The following SHTN1 variants were observed in gnomAD, a reference collection of about 807,000 sequenced individuals.
The protein encoded by SHTN1 is shootin 1.
Under a neutral mutation model 83.1 loss-of-function variants are expected in SHTN1, and 42 were observed. The observed-to-expected ratio is 0.51, with a 90% confidence interval of 0.39 to 0.65. The LOEUF (loss-of-function observed/expected upper bound fraction) is 0.65. SHTN1 is among the 30% of genes least tolerant of loss of function. The probability of loss-of-function intolerance (pLI) is 0.00; values close to 1 mark genes in which losing one functional copy is unlikely to be tolerated. For missense variants in SHTN1, 622 were observed against 737.8 expected (o/e 0.84, Z 1.82); for synonymous variants, 224 against 247.7 (o/e 0.90, Z 0.90).
chr10:116,929,998 T>C lies in SHTN1; in HGVS notation c.863A>G (p.Lys288Arg). ...ATTTTCTAGTTGCTCTTCTAATTCT[T>C]TGACCTATAAGTTATTTAAAAAAAA... ...EERIQHQQKV[K>R]ELEEQLENET... The change falls in exon 10 of 17, where the codon AAA becomes AGA. Residue 288 changes from lysine (K) to arginine (R), a missense_variant. Around this residue, in one of 3 missense-constraint regions of SHTN1, gnomAD observed 383 missense variants for 455.8 expected, o/e 0.84. Coordinates refer to ENST00000355371, the MANE Select transcript of SHTN1 (RefSeq NM_001127211.3). The C allele has an allele frequency of 1.3e-6, 2 of 1,571,642 alleles. No homozygotes were observed. The highest frequency in any genetic ancestry group is 1.7e-6 in the Non-Finnish European group (2 of 1,161,494).
intron 1 of SHTN1, among the ~76,000 whole-genome samples, chr10:117,001,626 G>A (rs1313171869): frequency 6.6e-6 from 1 of 152,112 alleles, no homozygotes; most frequent in Non-Finnish European, 1.5e-5. Flanking sequence ...TGTTTAATGG[G>A]TTCAAACATA....
At chr10:117,081,204 G>T (rs2133611692) in intron 1 of SHTN1, among the ~76,000 whole-genome samples, 1 of 151,482 alleles carries the variant, frequency 6.6e-6, no homozygotes, top group South Asian at 2.1e-4. Context: ...TTTGAAATAT[G>T]TCCCATCAAT....
intron 16 of SHTN1, among the ~76,000 whole-genome samples, chr10:116,896,469 G>A (rs1397223028): frequency 3.3e-5 from 5 of 152,104 alleles, no homozygotes; most frequent in South Asian, 2.1e-4. Flanking sequence ...TGTACTGCAC[G>A]ACACTCTTTG....
chr10:117,047,076 ATT>A (rs1852673957), intron 2 of SHTN1, among the ~76,000 whole-genome samples: 1 of 152,036 alleles, frequency 6.6e-6, no homozygotes, highest in Non-Finnish European at 1.5e-5. Flanking sequence ...AAATATATAT[ATT>A]TTTTGAGACA....
chr10:117,051,211 T>G (rs76488629), intron 1 of SHTN1, among the ~76,000 whole-genome samples: 1 of 151,868 alleles, frequency 6.6e-6, no homozygotes, highest in Non-Finnish European at 1.5e-5. Flanking sequence ...CAAGAAGAAA[T>G]AGAAAATCTC....
intron 1 of SHTN1, among the ~76,000 whole-genome samples, chr10:117,073,228 T>G (rs1036908060): frequency 6.6e-6 from 1 of 152,116 alleles, no homozygotes. Context: ...CGACCAAACC[T>G]AAGAATAATT....
intron 1 of SHTN1, among the ~76,000 whole-genome samples, chr10:117,084,438 C>G (rs1334777783): frequency 1.3e-5 from 2 of 152,208 alleles, no homozygotes; most frequent in Admixed American, 6.5e-5. Context: ...CTGCTCTCTT[C>G]AAAGCTGTCA....
At chr10:116,985,948 T>C (rs1450863161) in intron 1 of SHTN1, among the ~76,000 whole-genome samples, 1 of 152,204 alleles carries the variant, frequency 6.6e-6, no homozygotes. Context: ...AAAACACTGA[T>C]AGAAAATCTG....
intron 2 of SHTN1, among the ~76,000 whole-genome samples, chr10:117,018,935 G>T (rs1008787671): frequency 3.2e-4 from 48 of 151,912 alleles, no homozygotes; most frequent in African/African-American, 1.1e-3. Context: ...GGAAGAAAAA[G>T]AAATAAAATG....
chr10:116,936,431 G>A (rs1485561719), intron 9 of SHTN1, among the ~76,000 whole-genome samples: 1 of 152,180 alleles, frequency 6.6e-6, no homozygotes, highest in Non-Finnish European at 1.5e-5. Flanking sequence ...TATTTACTCA[G>A]TAGTCATTAA....
intron 1 of SHTN1, among the ~76,000 whole-genome samples, chr10:116,997,573 T>C (rs1251014811): frequency 6.6e-6 from 1 of 152,194 alleles, no homozygotes; most frequent in African/African-American, 2.4e-5. Context: ...TGCTGATATT[T>C]TCCTCATGAG....
At chr10:116,986,290 C>T (rs1252760445) in intron 1 of SHTN1, among the ~76,000 whole-genome samples, 2 of 152,142 alleles carry the variant, frequency 1.3e-5, no homozygotes, top group South Asian at 2.1e-4. Context: ...ACAGGGCAAA[C>T]CACCATCCCC....
intron 2 of SHTN1, among the ~76,000 whole-genome samples, chr10:117,039,300 TG>T (rs1205339347): frequency 2.6e-5 from 4 of 152,178 alleles, no homozygotes; most frequent in African/African-American, 9.6e-5. Flanking sequence ...AATAGTCAAA[TG>T]ATCAGTTGTT....
intron 1 of SHTN1, among the ~76,000 whole-genome samples, chr10:117,122,999 T>C (rs1192952098): frequency 6.6e-6 from 1 of 152,170 alleles, no homozygotes; most frequent in Non-Finnish European, 1.5e-5. Flanking sequence ...ACTGAACCAC[T>C]ACATGGGTTG....
chr10:117,030,837 C>A (rs1412813354), intron 2 of SHTN1, among the ~76,000 whole-genome samples: 1 of 151,770 alleles, frequency 6.6e-6, no homozygotes, highest in Non-Finnish European at 1.5e-5. Flanking sequence ...GAATAAAAAA[C>A]AATAAAACAC....
chr10:116,962,986 A>G (rs1008262270), intron 3 of SHTN1, among the ~76,000 whole-genome samples: 3 of 150,836 alleles, frequency 2.0e-5, no homozygotes, highest in African/African-American at 7.3e-5. Flanking sequence ...GACGCAAAAC[A>G]GAAATACTTT....
At chr10:116,986,956 T>C (rs943516858) in intron 1 of SHTN1, among the ~76,000 whole-genome samples, 4 of 152,054 alleles carry the variant, frequency 2.6e-5, no homozygotes, top group African/African-American at 9.7e-5. Context: ...CTTGAATTCC[T>C]GACCTCGTGA....
intron 1 of SHTN1, among the ~76,000 whole-genome samples, chr10:117,079,027 TTTTTA>T (rs921711165): frequency 4.0e-5 from 6 of 151,376 alleles, no homozygotes; most frequent in Admixed American, 6.6e-5. Flanking sequence ...TTGTGAATTT[TTTTTA>T]TTTTTATTTA....
In SHTN1 at chr10:116,954,095, G is replaced by T. The variant is rs1210304204; in HGVS notation, c.383C>A (p.Thr128Lys). 1.2e-5 allele frequency: 20 copies of T among 1,613,916 alleles called. No homozygotes were observed. Among genetic ancestry groups the T allele is most frequent in the Non-Finnish European group, 1.7e-5 (20 of 1,180,012 alleles). ...GACACAAGTCTCGGCGGCACCGTCT[G>T]TGTCTGTAGTCGAATCTTCATCATC... ...NIDDEDSTTD[T>K]DGAAETCVSV... The change falls in exon 5 of 17, where the codon ACA becomes AAA. Residue 128 changes from threonine (T) to lysine (K), a missense_variant. This residue lies in a region of SHTN1 where 383 missense variants were observed against 455.8 expected (regional missense o/e 0.84). Transcript: ENST00000355371.
Sources: gnomAD v4.1 joint callset for allele counts (sites outside exome capture counted in the v4.1 genomes callset) on GRCh38, gnomAD v4.1.1 for gene constraint, gnomAD v4.1.1 regional missense constraint, MANE v1.5 for transcripts, NCBI Gene and HGNC (gene_info 2026-07-23, HGNC 2026-07-21) for gene names.